The following ANO3 variants were observed in gnomAD, a reference collection of about 807,000 sequenced individuals.
ANO3 encodes anoctamin 3.
In ANO3, 99 loss-of-function variants were observed where a neutral mutation model predicts 144.8. That is an observed-to-expected ratio of 0.68 (90% CI 0.58 to 0.81). The LOEUF is 0.81. Ranked by LOEUF, ANO3 falls within the 30% of genes least tolerant of loss-of-function variation. ANO3 has a pLI of 0.00. For missense variants in ANO3, 905 were observed against 1,202.2 expected (o/e 0.75, Z 3.66); for synonymous variants, 414 against 392.6 (o/e 1.05, Z -0.64).
chr11:26,322,845 G>A (rs1197908901), intron 1 of ANO3, among the ~76,000 whole-genome samples: 1 of 152,092 alleles, frequency 6.6e-6, no homozygotes, highest in Admixed American at 6.6e-5. Flanking sequence ...AGGGAGTTAT[G>A]CTTCTCCTCT....
At chr11:26,456,160 A>G (rs1201381205) in intron 3 of ANO3, among the ~76,000 whole-genome samples, 1 of 152,196 alleles carries the variant, frequency 6.6e-6, no homozygotes, top group Non-Finnish European at 1.5e-5. Context: ...GGACATAGGC[A>G]TGGGCAAGGA....
chr11:26,564,718 CACACACACACACACATATATATAT>C (rs1850459087), intron 14 of ANO3, among the ~76,000 whole-genome samples: 12 of 74,920 alleles, frequency 1.6e-4, no homozygotes, highest in Non-Finnish European at 2.8e-4. Context: ...CACACACACA[CACACACACACACACATATATATAT>C]ATATATATAT....
intron 1 of ANO3, among the ~76,000 whole-genome samples, chr11:26,430,525 A>G (rs976596152): frequency 2.0e-5 from 3 of 152,218 alleles, no homozygotes; most frequent in Non-Finnish European, 4.4e-5. Context: ...AGCTTTAAAT[A>G]CTTGACATCA....
intron 14 of ANO3, among the ~76,000 whole-genome samples, chr11:26,584,627 A>C (rs1265032029): frequency 6.6e-6 from 1 of 152,238 alleles, no homozygotes. Context: ...GACTAAAAAA[A>C]CTTCAAGTGT....
chr11:26,587,937 C>CAA (rs60752903), intron 14 of ANO3, among the ~76,000 whole-genome samples: 1 of 116,368 alleles, frequency 8.6e-6, no homozygotes, highest in African/African-American at 3.4e-5. Context: ...AACTCTGTCT[C>CAA]AAAAAAAAAA....
chr11:26,405,203 TA>T (rs368947017), intron 1 of ANO3, among the ~76,000 whole-genome samples: 3 of 151,856 alleles, frequency 2.0e-5, no homozygotes, highest in African/African-American at 7.2e-5. Flanking sequence ...TTTCATTAGG[TA>T]AAATATAATT....
chr11:26,239,861 T>C (rs1284657931), intron 1 of ANO3, among the ~76,000 whole-genome samples: 1 of 152,240 alleles, frequency 6.6e-6, no homozygotes, highest in Non-Finnish European at 1.5e-5. Context: ...AGATTTTTAC[T>C]CTACTTGAGT....
chr11:26,267,008 C>A (rs1298784144), intron 1 of ANO3, among the ~76,000 whole-genome samples: 1 of 150,870 alleles, frequency 6.6e-6, no homozygotes, highest in Non-Finnish European at 1.5e-5. Context: ...AGGAGAATGG[C>A]GAGGACCCTG....
chr11:26,205,387 T>C (rs1442119389), intron 1 of ANO3, among the ~76,000 whole-genome samples: 2 of 152,192 alleles, frequency 1.3e-5, no homozygotes, highest in South Asian at 2.1e-4. Flanking sequence ...TGGAAATTGA[T>C]GCAGAGCACA....
intron 1 of ANO3, among the ~76,000 whole-genome samples, chr11:26,239,904 T>C (rs1564930115): frequency 6.6e-6 from 1 of 152,194 alleles, no homozygotes; most frequent in Non-Finnish European, 1.5e-5. Flanking sequence ...AATTGTCGCT[T>C]TGCGAAGAAA....
At chr11:26,639,080 T>C in intron 20 of ANO3, 64 bp from the exon 21 acceptor site, 2 of 1,076,082 alleles carry the variant, frequency 1.9e-6, no homozygotes, top group Non-Finnish European at 2.9e-6. Context: ...AATTTAATGG[T>C]GGGCATGTCT....
intron 1 of ANO3, among the ~76,000 whole-genome samples, chr11:26,215,048 C>A (rs4300356): frequency 1.3e-5 from 2 of 151,636 alleles, no homozygotes; most frequent in Non-Finnish European, 1.5e-5. Context: ...GACAAAGGTA[C>A]GTACTATCAA....
chr11:26,566,848 T>C (rs1229114985), intron 14 of ANO3, among the ~76,000 whole-genome samples: 1 of 151,920 alleles, frequency 6.6e-6, no homozygotes, highest in Non-Finnish European at 1.5e-5. Context: ...TAATAAGCAG[T>C]TGCTTTATCA....
intron 3 of ANO3, among the ~76,000 whole-genome samples, chr11:26,452,186 C>G (rs1202499775): frequency 6.6e-6 from 1 of 152,218 alleles, no homozygotes; most frequent in Non-Finnish European, 1.5e-5. Context: ...CTCTCCTGCT[C>G]CAAAGGAATG....
chr11:26,334,670 C>T (rs1320824768), intron 1 of ANO3, among the ~76,000 whole-genome samples: 1 of 152,094 alleles, frequency 6.6e-6, no homozygotes. Flanking sequence ...ATGGGAGGGA[C>T]GGTTTGCATA....
chr11:26,628,822 C>A (rs541510129), intron 18 of ANO3, among the ~76,000 whole-genome samples: 77 of 152,288 alleles, frequency 5.1e-4, no homozygotes, highest in African/African-American at 1.6e-3. Context: ...TCAATCACAT[C>A]TGTTTCCTCA....
At chr11:26,658,449 T>G (rs556670887) in intron 26 of ANO3, among the ~76,000 whole-genome samples, 1 of 73,162 alleles carries the variant, frequency 1.4e-5, no homozygotes, top group African/African-American at 3.6e-5. Flanking sequence ...CCGTCTCTAC[T>G]AAAAATACAA....
At position 26,660,424 on chromosome 11, in the gene ANO3, G is replaced by C. The variant is rs770225779; in HGVS notation, c.2926G>C (p.Val976Leu). ...ACAACGGAGAAAAAGTGGTCAGCCT[G>C]TTCACCATGAATGGCCTTAGTTGAC... is the stretch of plus-strand genomic sequence containing the variant. ...QQQRRKSGQPVHHEWP is the reference protein window; with the variant it reads ...QQQRRKSGQPLHHEWP Residue 976 changes from valine (V) to leucine (L), a missense_variant, in exon 27 of 27, where the codon GTT becomes CTT. Physicochemically the swap from Val to Leu is conservative, Grantham distance 32. Around this residue, in one of 4 missense-constraint regions of ANO3, gnomAD observed 597 missense variants for 865.1 expected, o/e 0.69. Transcript: ENST00000256737. The C allele has an allele frequency of 1.2e-6, 2 of 1,612,684 alleles. No homozygotes were observed. The highest frequency in any genetic ancestry group is 1.7e-5 in the Admixed American group (1 of 59,896).
chr11:26,457,273 C>G (rs551554802), intron 3 of ANO3, among the ~76,000 whole-genome samples: 1 of 148,664 alleles, frequency 6.7e-6, no homozygotes, highest in Non-Finnish European at 1.5e-5. Context: ...CACATGTACC[C>G]TAGAACTTAT....
Sources: allele counts gnomAD v4.1 joint callset (sites outside exome capture counted in the v4.1 genomes callset), GRCh38; gene constraint gnomAD v4.1.1; regional missense constraint gnomAD v4.1.1; transcripts MANE v1.5; gene names NCBI Gene and HGNC (gene_info 2026-07-23, HGNC 2026-07-21).